The following C12orf42 variants were observed in gnomAD, a reference collection of about 807,000 sequenced individuals.
The protein encoded by C12orf42 is uncharacterized protein C12orf42.
C12orf42 carries 25 observed loss-of-function variants against 21.6 expected under a neutral mutation model. The observed-to-expected ratio is 1.16, with a 90% CI of 0.84 to 1.62. C12orf42 has a LOEUF of 1.62. Ranked by LOEUF, C12orf42 falls within the 40% of genes most tolerant of loss-of-function variation. The pLI is 0.00. For missense variants in C12orf42, 483 were observed against 459.3 expected (o/e 1.05, Z -0.47); for synonymous variants, 174 against 175.0 (o/e 0.99, Z 0.05).
rs2037119324 is a variant in C12orf42 at position 103,294,624 on chromosome 12, GAAAGAAAGAAA to G, written n.338-17425_338-17415del. On this transcript the variant is annotated intron_variant and non_coding_transcript_variant, in intron 4 of 6. Transcript: ENST00000546526. ...AGAAAGAAAGAAAGAAAGAAAGAAAGAAAGAAAGAAAGAAGGAAAAGAAAGAGAAAGAAAGA... is the reference window on the plus strand; with the variant it reads ...AGAAAGAAAGAAAGAAAGAAAGAAAGGAAGGAAAAGAAAGAGAAAGAAAGA... Among the ~76,000 whole-genome samples, 33 of 139,932 alleles carry G rather than the reference GAAAGAAAGAAA, an allele frequency of 2.4e-4. 1 individual carries two copies. The highest frequency in any genetic ancestry group is 2.3e-3 in the Admixed American group (33 of 14,232). 91.8% of individuals were successfully genotyped at this position (139,932 alleles called of 152,430 possible). A position where few individuals can be genotyped will look rare whatever the true frequency, so the allele number is the denominator to read the frequency against.
the C12orf42 span, chr12:103,151,955 G>A: frequency 6.6e-6 from 1 of 152,210 alleles, no homozygotes; most frequent in African/African-American, 2.4e-5. Context: ...ATTAAAGGGA[G>A]TGGGACCTCC....
chr12:103,318,202 C>A (rs942976511), intron 4 of C12orf42, among the ~76,000 whole-genome samples: 3 of 151,992 alleles, frequency 2.0e-5, no homozygotes, highest in African/African-American at 7.3e-5. Flanking sequence ...GGTAGGAAGA[C>A]TACTTGAGTA....
At chr12:103,070,401 G>T in the C12orf42 span, among the ~76,000 whole-genome samples, 1 of 151,860 alleles carries the variant, frequency 6.6e-6, no homozygotes, top group Non-Finnish European at 1.5e-5. Context: ...GTCTCCTTCA[G>T]GTAGAAAGGA....
At chr12:103,103,675 C>A in the C12orf42 span, among the ~76,000 whole-genome samples, 1 of 151,978 alleles carries the variant, frequency 6.6e-6, no homozygotes, top group African/African-American at 2.4e-5. Flanking sequence ...AAGCACACTG[C>A]ATACAAACAT....
chr12:103,364,181 C>T (rs2044376098), intron 4 of C12orf42, among the ~76,000 whole-genome samples: 2 of 152,042 alleles, frequency 1.3e-5, no homozygotes, highest in Non-Finnish European at 2.9e-5. Context: ...TGGAAATCAA[C>T]TCCAGAAAGA....
At chr12:103,444,335 T>C (rs953445241) in intron 2 of C12orf42, among the ~76,000 whole-genome samples, 4 of 152,248 alleles carry the variant, frequency 2.6e-5, no homozygotes, top group African/African-American at 9.6e-5. Flanking sequence ...TGTTATTTTT[T>C]AGTTCTTAGT....
chr12:103,322,402 G>A (rs1832628253), intron 4 of C12orf42, among the ~76,000 whole-genome samples: 1 of 152,076 alleles, frequency 6.6e-6, no homozygotes, highest in Admixed American at 6.5e-5. Context: ...CCTTTCTGGG[G>A]CAGATGCTGG....
chr12:103,089,619 C>CTG, the C12orf42 span, among the ~76,000 whole-genome samples: 10,860 of 145,482 alleles, frequency 0.075, 412 homozygotes, highest in Middle Eastern at 0.12. Flanking sequence ...GTGTGTGTGT[C>CTG]TGTGTGTGTG....
chr12:103,256,103 TATATATATACACACAC>T (rs1173280549), intron 10 of C12orf42, among the ~76,000 whole-genome samples: 12,142 of 56,594 alleles, frequency 0.21, 1,010 homozygotes, highest in Non-Finnish European at 0.27. Flanking sequence ...TATATATATA[TATATATATACACACAC>T]ACACACACAC....
intron 2 of C12orf42, among the ~76,000 whole-genome samples, chr12:103,462,521 C>A (rs538309086): frequency 6.6e-6 from 1 of 152,216 alleles, no homozygotes; most frequent in South Asian, 2.1e-4. Context: ...CTGTAGCACT[C>A]CTTCTTTACC....
chr12:103,245,420 A>G (rs1250567642), intron 10 of C12orf42, among the ~76,000 whole-genome samples: 1 of 152,114 alleles, frequency 6.6e-6, no homozygotes, highest in Non-Finnish European at 1.5e-5. Flanking sequence ...TATGTTGAAC[A>G]CTAGAGGAGT....
the C12orf42 span, chr12:103,156,292 A>G: frequency 2.0e-5 from 3 of 152,036 alleles, no homozygotes; most frequent in African/African-American, 4.8e-5. Flanking sequence ...AAGCTAATCT[A>G]TGGTGTTATA....
chr12:103,536,233 AG>A, the C12orf42 span, among the ~76,000 whole-genome samples: 4 of 152,208 alleles, frequency 2.6e-5, no homozygotes, highest in African/African-American at 9.6e-5. Context: ...TAAGCAACAA[AG>A]TAGATGATGG....
chr12:103,426,562 C>T lies in C12orf42; in HGVS notation c.79-24887G>A, dbSNP rs1053190818. 4.6e-5 allele frequency among the ~76,000 whole-genome samples: 7 copies of T among 152,242 alleles called. No homozygotes were observed. In the East Asian group the frequency reaches 1.2e-3, roughly 25 times the overall value. ...TTCAGGATATTATCCAGAAGAACTT[C>T]CCCAACCTAGCAAGACAGGCCAACA... On this transcript the variant is annotated intron_variant, in intron 2 of 5. Transcript: ENST00000548883.
chr12:103,539,085 C>T, the C12orf42 span, among the ~76,000 whole-genome samples: 1 of 152,128 alleles, frequency 6.6e-6, no homozygotes, highest in African/African-American at 2.4e-5. Context: ...ATAACAATTG[C>T]TAACATTTAT....
At chr12:103,137,743 G>A in the C12orf42 span, among the ~76,000 whole-genome samples, 22 of 152,268 alleles carry the variant, frequency 1.4e-4, no homozygotes, top group Middle Eastern at 3.4e-3. Flanking sequence ...ACTGGAGGGC[G>A]TTGTGTTCAT....
At chr12:103,241,996 A>C (rs2033772506) in intron 10 of C12orf42, among the ~76,000 whole-genome samples, 1 of 152,148 alleles carries the variant, frequency 6.6e-6, no homozygotes, top group Non-Finnish European at 1.5e-5. Flanking sequence ...GCTGAATCCT[A>C]AGCAATTTGG....
At chr12:103,135,020 T>C in the C12orf42 span, among the ~76,000 whole-genome samples, 1 of 151,996 alleles carries the variant, frequency 6.6e-6, no homozygotes, top group Admixed American at 6.5e-5. Flanking sequence ...TAGCCAAGGG[T>C]GCTATATGCA....
At chr12:103,130,821 G>T in the C12orf42 span, among the ~76,000 whole-genome samples, 2 of 152,162 alleles carry the variant, frequency 1.3e-5, no homozygotes, top group Non-Finnish European at 2.9e-5. Flanking sequence ...CCAATTTTCT[G>T]CTGCTGCTGC....
Sources: allele counts gnomAD v4.1 joint callset (sites outside exome capture counted in the v4.1 genomes callset), GRCh38; gene constraint gnomAD v4.1.1; transcripts MANE v1.5; gene names NCBI Gene and HGNC (gene_info 2026-07-23, HGNC 2026-07-21).